Variants in GALNT13 observed in about 807,000 individuals in gnomAD.
GALNT13 encodes the protein polypeptide N-acetylgalactosaminyltransferase 13.
GALNT13 carries 28 observed loss-of-function variants against 64.2 expected under a neutral mutation model. The observed-to-expected ratio is 0.44, with a 90% CI of 0.32 to 0.60. The LOEUF is 0.60. Ranked by LOEUF, GALNT13 falls within the 20% of genes least tolerant of loss-of-function variation. The pLI, the probability that GALNT13 is intolerant of heterozygous loss-of-function variation, is 0.05. For missense variants in GALNT13, 577 were observed against 669.8 expected (o/e 0.86, Z 1.53); for synonymous variants, 214 against 224.6 (o/e 0.95, Z 0.42).
At position 153,876,351 on chromosome 2, in the gene GALNT13, TTCTA is replaced by T. The variant is rs367569500; in HGVS notation, c.-177+4051_-177+4054del. 3.0e-4 allele frequency among the ~76,000 whole-genome samples: 45 copies of T among 152,278 alleles called. No individual in the cohort carries two copies. In the East Asian group the frequency reaches 7.5e-3, roughly 25 times the overall value. On this transcript the variant is annotated intron_variant, in intron 1 of 12. Coordinates refer to ENST00000392825, the MANE Select transcript of GALNT13 (RefSeq NM_052917.4). The stretch of plus-strand genomic sequence containing the variant: ...ATCAGATTAGACTTCTGTTTACAAT[TTCTA>T]TCAAGGCACATTGTTGAAGGACTTC...
chr2:153,613,825 T>C, the GALNT13 span, among the ~76,000 whole-genome samples: 28 of 152,002 alleles, frequency 1.8e-4, no homozygotes, highest in African/African-American at 6.7e-4. Flanking sequence ...TATGGCTGCA[T>C]AGTATTCCAT....
chr2:153,254,447 G>GT, the GALNT13 span, among the ~76,000 whole-genome samples: 5 of 152,054 alleles, frequency 3.3e-5, no homozygotes, highest in Non-Finnish European at 7.4e-5. Context: ...TTTTTGAAGG[G>GT]TTTTTTGTGT....
chr2:154,164,283 C>T (rs901239077), intron 4 of GALNT13, among the ~76,000 whole-genome samples: 1 of 152,064 alleles, frequency 6.6e-6, no homozygotes, highest in Non-Finnish European at 1.5e-5. Flanking sequence ...TATAGATGAT[C>T]ACCCAAAAGG....
chr2:154,374,418 T>C (rs1157925742), intron 9 of GALNT13, among the ~76,000 whole-genome samples: 1 of 152,200 alleles, frequency 6.6e-6, no homozygotes, highest in Non-Finnish European at 1.5e-5. Context: ...TGATGGCTCT[T>C]GTTTAGTACA....
intron 9 of GALNT13, among the ~76,000 whole-genome samples, chr2:154,372,211 G>A (rs1428370648): frequency 6.6e-6 from 1 of 152,082 alleles, no homozygotes; most frequent in Non-Finnish European, 1.5e-5. Context: ...TCAACCTCCA[G>A]AATCCACCAA....
chr2:153,804,416 A>G, the GALNT13 span, among the ~76,000 whole-genome samples: 5 of 152,304 alleles, frequency 3.3e-5, 1 homozygote, highest in Admixed American at 2.6e-4. Flanking sequence ...GGCTCAAGCT[A>G]TCCTCCCACA....
At chr2:153,829,521 C>A in the GALNT13 span, among the ~76,000 whole-genome samples, 5 of 152,044 alleles carry the variant, frequency 3.3e-5, no homozygotes, top group Non-Finnish European at 7.4e-5. Flanking sequence ...CAGAAAAGAC[C>A]TGCCCCCATG....
At chr2:153,202,129 C>T in the GALNT13 span, among the ~76,000 whole-genome samples, 23 of 151,762 alleles carry the variant, frequency 1.5e-4, no homozygotes, top group East Asian at 2.1e-3. Context: ...GGACTACAGG[C>T]GCCCGCCACC....
chr2:153,176,743 A>T, the GALNT13 span, among the ~76,000 whole-genome samples: 1 of 150,146 alleles, frequency 6.7e-6, no homozygotes, highest in African/African-American at 2.4e-5. Flanking sequence ...CAGATTCAAG[A>T]AAAAATTCGT....
the GALNT13 span, among the ~76,000 whole-genome samples, chr2:153,704,913 C>A: frequency 3.9e-5 from 6 of 152,218 alleles, no homozygotes; most frequent in Non-Finnish European, 7.4e-5. Context: ...TTCTTAGATG[C>A]ACTCCTCAGT....
the GALNT13 span, among the ~76,000 whole-genome samples, chr2:153,127,152 ATT>A: frequency 1.3e-5 from 2 of 151,258 alleles, no homozygotes; most frequent in African/African-American, 2.4e-5. Flanking sequence ...TATTGAGTGC[ATT>A]TTTTTTTGTC....
At chr2:154,070,625 A>C (rs1047187031) in intron 3 of GALNT13, among the ~76,000 whole-genome samples, 2 of 152,118 alleles carry the variant, frequency 1.3e-5, no homozygotes, top group Non-Finnish European at 2.9e-5. Context: ...AGTTTTTAAA[A>C]AGAAAAATTG....
chr2:153,127,579 C>T, the GALNT13 span, among the ~76,000 whole-genome samples: 1 of 152,134 alleles, frequency 6.6e-6, no homozygotes, highest in African/African-American at 2.4e-5. Flanking sequence ...TATCCAAACA[C>T]CAGTTTTATC....
intron 4 of GALNT13, among the ~76,000 whole-genome samples, chr2:154,195,704 T>C (rs570997259): frequency 6.6e-5 from 10 of 152,142 alleles, no homozygotes; most frequent in African/African-American, 1.9e-4. Context: ...ATGAGCCTCT[T>C]CAAATTTTGA....
chr2:154,096,531 G>GATAAATT (rs1702079818), intron 3 of GALNT13, among the ~76,000 whole-genome samples: 1 of 152,106 alleles, frequency 6.6e-6, no homozygotes, highest in South Asian at 2.1e-4. Flanking sequence ...TGCATACACA[G>GATAAATT]ATAAATTTAT....
the GALNT13 span, among the ~76,000 whole-genome samples, chr2:153,583,104 G>A: frequency 2.0e-5 from 3 of 152,162 alleles, no homozygotes; most frequent in Admixed American, 2.0e-4. Context: ...TATAAAGGAG[G>A]TGTGCATGAT....
intron 3 of GALNT13, among the ~76,000 whole-genome samples, chr2:153,981,602 T>G (rs13005341): frequency 0.2 from 30,674 of 152,170 alleles, 4,041 homozygotes; most frequent in Middle Eastern, 0.33. Context: ...CACATTTTCT[T>G]AATCCAGTCT....
the GALNT13 span, among the ~76,000 whole-genome samples, chr2:153,290,637 A>G: frequency 6.6e-6 from 1 of 152,196 alleles, no homozygotes; most frequent in Non-Finnish European, 1.5e-5. Flanking sequence ...ACTTTTTTCC[A>G]TGTCCAGTAT....
chr2:154,261,374 CTT>C (rs931245930), intron 8 of GALNT13, among the ~76,000 whole-genome samples: 1 of 151,844 alleles, frequency 6.6e-6, no homozygotes, highest in African/African-American at 2.4e-5. Context: ...ATGTATTTTG[CTT>C]TTTATTAGAC....
Sources: gnomAD v4.1 joint callset for allele counts (sites outside exome capture counted in the v4.1 genomes callset) on GRCh38, gnomAD v4.1.1 for gene constraint, MANE v1.5 for transcripts, NCBI Gene and HGNC (gene_info 2026-07-23, HGNC 2026-07-21) for gene names.